Variants in DRC3 observed in about 807,000 individuals in gnomAD.
The protein encoded by DRC3 is leucine rich repeat containing 48.
Under a neutral mutation model 57.6 loss-of-function variants are expected in DRC3, and 45 were observed. That is an observed-to-expected ratio of 0.78 (90% confidence interval 0.62 to 1.00). DRC3 has a LOEUF of 1.00. Ranked by LOEUF, DRC3 falls within the 50% of genes least tolerant of loss-of-function variation. The pLI, the probability that DRC3 is intolerant of heterozygous loss-of-function variation, is 0.00. For synonymous variants in DRC3, 257 were observed against 272.3 expected, an observed-to-expected ratio of 0.94 and a Z score of 0.55; for missense variants, 655 against 675.2, an observed-to-expected ratio of 0.97 and a Z score of 0.33.
At chr17:18,012,802 A>C in intron 12 of DRC3, among the ~76,000 whole-genome samples, 1 of 152,242 alleles carries the variant, frequency 6.6e-6, no homozygotes, top group East Asian at 1.9e-4. Flanking sequence ...AGACAACAAA[A>C]GCAAAAATAA....
chr17:18,016,534 T>C, intron 13 of DRC3, 24 bp from the exon 14 acceptor site: 1 of 1,507,342 alleles, frequency 6.6e-7, no homozygotes, highest in Non-Finnish European at 9.2e-7. Flanking sequence ...ATGTAAGGAA[T>C]CGGGCTTTGG....
intron 2 of DRC3, among the ~76,000 whole-genome samples, chr17:17,975,525 CA>C (rs937591565): frequency 8.2e-5 from 12 of 145,494 alleles, no homozygotes; most frequent in African/African-American, 2.3e-4. Context: ...ACCCCCCCCC[CA>C]AAAAAAAGGC....
intron 7 of DRC3, among the ~76,000 whole-genome samples, chr17:17,994,725 C>T (rs2043386781): frequency 6.6e-6 from 1 of 152,206 alleles, no homozygotes; most frequent in South Asian, 2.1e-4. Flanking sequence ...CATGACATGC[C>T]AGGAACGGCT....
intron 10 of DRC3, 108 bp downstream of exon 10, chr17:18,004,602 G>A (rs1568528295): frequency 1.6e-6 from 2 of 1,258,162 alleles, no homozygotes; most frequent in East Asian, 2.5e-5. Flanking sequence ...CGTCCAGCAC[G>A]ACTCAGCGTG....
At chr17:17,998,628 G>T (rs751263265) in intron 9 of DRC3, among the ~76,000 whole-genome samples, 1 of 152,086 alleles carries the variant, frequency 6.6e-6, no homozygotes, top group Admixed American at 6.6e-5. Flanking sequence ...CCCTCGATGC[G>T]CAACTTCAGA....
Position 17,984,633 on chromosome 17 carries a change from G to A in DRC3, c.277+689G>A, listed in dbSNP as rs563786008. Among the ~76,000 whole-genome samples the A allele has an allele frequency of 2.0e-5, 3 of 152,182 alleles. No individual in the cohort carries two copies. The South Asian group carries it at 6.2e-4, about 32-fold the overall frequency. ...CCCCCATTTTAATCCTAAGAGTTGG[G>A]CATCTGTTATAATCCCAATCTACAG... is the stretch of plus-strand genomic sequence containing the variant. On this transcript the variant is annotated intron_variant, in intron 4 of 13. Transcript: ENST00000399187.
intron 5 of DRC3, among the ~76,000 whole-genome samples, chr17:17,991,415 C>T (rs1462513287): frequency 6.6e-6 from 1 of 151,328 alleles, no homozygotes; most frequent in Non-Finnish European, 1.5e-5. Context: ...CTCAGCCTCC[C>T]AAGTAGCTGG....
intron 3 of DRC3, among the ~76,000 whole-genome samples, chr17:17,982,791 G>C (rs981876365): frequency 1.7e-4 from 26 of 151,120 alleles, no homozygotes; most frequent in African/African-American, 6.1e-4. Flanking sequence ...GGCCAGGATG[G>C]TCTCGATCTC....
Position 18,007,158 on chromosome 17 carries a change from C to CGGGCGGGGGGGG in DRC3, c.1326+15_1326+16insGGGGGGGGGGGC. 2.0e-6 allele frequency: 2 copies of CGGGCGGGGGGGG among 993,938 alleles called. 1 individual carries two copies. Among genetic ancestry groups the CGGGCGGGGGGGG allele is most frequent in the Non-Finnish European group, 2.8e-6 (2 of 704,810 alleles). 61.6% of individuals were successfully genotyped at this position (993,938 alleles called of 1,614,324 possible). On this transcript the variant is annotated intron_variant, in intron 12 of 13. Coordinates refer to ENST00000399187, the MANE Select transcript of DRC3 (RefSeq NM_031294.4). ...AACGACCTGCGCGCGGTAGGCGGGGCGGGCTGCTCGGAGCCTGACAGATGT... is the reference window on the plus strand; with the variant it reads ...AACGACCTGCGCGCGGTAGGCGGGGCGGGCGGGGGGGGGGGCTGCTCGGAGCCTGACAGATGT...
chr17:18,003,727 C>T (rs1458904433), intron 9 of DRC3, among the ~76,000 whole-genome samples: 1 of 147,974 alleles, frequency 6.8e-6, no homozygotes. Flanking sequence ...ACTGCAAGCC[C>T]CACCTCCCAG....
chr17:17,991,718 G>A (rs1242298408), intron 5 of DRC3, among the ~76,000 whole-genome samples: 2 of 152,188 alleles, frequency 1.3e-5, no homozygotes, highest in African/African-American at 2.4e-5. Context: ...TAAAAATAGA[G>A]TGTAGGGAGA....
At chr17:17,982,636 G>T (rs867034420) in intron 3 of DRC3, among the ~76,000 whole-genome samples, 3 of 144,320 alleles carry the variant, frequency 2.1e-5, no homozygotes, top group Non-Finnish European at 3.0e-5. Context: ...TTGCAGTGGC[G>T]CGATCTTGGC....
intron 3 of DRC3, 84 bp from the exon 4 acceptor site, chr17:17,983,744 G>C: frequency 2.2e-6 from 2 of 927,382 alleles, no homozygotes; most frequent in Non-Finnish European, 3.4e-6. Context: ...GGTCCCTTTT[G>C]TGTGGTTCTG....
chr17:17,985,633 CT>C (rs1442221073), intron 4 of DRC3, among the ~76,000 whole-genome samples: 2 of 152,210 alleles, frequency 1.3e-5, no homozygotes, highest in African/African-American at 2.4e-5. Flanking sequence ...TTCTTCCCAA[CT>C]TTGCTTCCAG....
At chr17:18,010,452 C>T (rs912539169) in intron 12 of DRC3, among the ~76,000 whole-genome samples, 7 of 152,044 alleles carry the variant, frequency 4.6e-5, no homozygotes, top group African/African-American at 9.7e-5. Flanking sequence ...TGACATTCTT[C>T]GCAGAAATAG....
At chr17:17,991,890 CA>C (rs1294371976) in intron 5 of DRC3, among the ~76,000 whole-genome samples, 1 of 152,192 alleles carries the variant, frequency 6.6e-6, no homozygotes, top group Non-Finnish European at 1.5e-5. Flanking sequence ...CCTGTAATCC[CA>C]GCACTTTGGG....
intron 4 of DRC3, among the ~76,000 whole-genome samples, chr17:17,984,904 G>A (rs201094189): frequency 1.3e-5 from 2 of 152,172 alleles, no homozygotes; most frequent in Non-Finnish European, 2.9e-5. Flanking sequence ...GCAGGGTTAT[G>A]CTGCCATTTC....
rs575558684 is a variant in DRC3, at chr17:18,016,132, T to G, written c.1395T>G (p.Ile465Met). ...CGCACGACATCCACCTCCTGAAGAT[T>G]GACAATCGAGAAGATGAGCTGGTGA... Reference protein sequence around the residue: ...GASHDIHLLKIDNREDELVTR... With the variant: ...GASHDIHLLKMDNREDELVTR... The change falls in exon 13 of 14, where the codon ATT (isoleucine) becomes ATG (methionine). Residue 465 changes from isoleucine (I) to methionine (M), a missense_variant. Transcript: ENST00000399187. 2 of 1,613,928 alleles carry G rather than the reference T, an allele frequency of 1.2e-6. No homozygotes were observed. The highest frequency in any genetic ancestry group is 1.3e-5 in the African/African-American group (1 of 75,020).
chr17:18,002,461 G>A (rs184879203), intron 9 of DRC3, among the ~76,000 whole-genome samples: 1 of 152,270 alleles, frequency 6.6e-6, no homozygotes, highest in East Asian at 1.9e-4. Flanking sequence ...AGTGCTGTTT[G>A]GACCCCAGGT....
Sources: gnomAD v4.1 joint callset for allele counts (sites outside exome capture counted in the v4.1 genomes callset) on GRCh38, gnomAD v4.1.1 for gene constraint, MANE v1.5 for transcripts, NCBI Gene and HGNC (gene_info 2026-07-23, HGNC 2026-07-21) for gene names.